The following MECOM variants were observed in gnomAD, a reference collection of about 807,000 sequenced individuals.
MECOM encodes MDS1 and EVI1 complex locus.
In MECOM, 13 loss-of-function variants were observed where a neutral mutation model predicts 116.3. The observed-to-expected ratio is 0.11, with a 90% confidence interval of 0.07 to 0.18. The LOEUF is 0.18. Among genes scored for constraint, MECOM ranks in the 10% least tolerant of loss-of-function variants. The pLI, the probability that MECOM is intolerant of heterozygous loss-of-function variation, is 1.00. For missense variants in MECOM, 1,299 were observed against 1,509.0 expected, an observed-to-expected ratio of 0.86 and a Z score of 2.31; for synonymous variants, 528 against 535.2, an observed-to-expected ratio of 0.99 and a Z score of 0.19.
chr3:169,430,561 T>C (rs1326532763), intron 1 of MECOM, among the ~76,000 whole-genome samples: 1 of 152,194 alleles, frequency 6.6e-6, no homozygotes, highest in African/African-American at 2.4e-5. Flanking sequence ...AGTTACTTTG[T>C]ATAATTGCAC....
rs1183519194 is a variant in MECOM at position 169,084,139 on chromosome 3, CA to C, written c.*769del. The C allele has an allele frequency of 2.2e-5, 5 of 231,354 alleles. No homozygotes were observed. The highest frequency in any genetic ancestry group is 1.1e-4 in the African/African-American group (5 of 45,150). The allele number at this position is 231,354 out of a possible 1,614,324, so 14.3% of individuals were successfully genotyped here. On this transcript the variant is annotated 3_prime_UTR_variant, in exon 17 of 17. Transcript: ENST00000651503. ...AAATACATGATACACGCAACACACA[CA>C]AAAAAATAAACATTAAAAACAGTGA...
intron 2 of MECOM, among the ~76,000 whole-genome samples, chr3:169,240,818 G>A (rs1754701469): frequency 6.6e-6 from 1 of 152,102 alleles, no homozygotes. Flanking sequence ...CAGATTTAAG[G>A]GGAACAGATG....
chr3:169,146,836 A>C, intron 2 of MECOM: 1 of 1,079,592 alleles, frequency 9.3e-7, no homozygotes. Context: ...ATCCTTTCAA[A>C]CGATCCCGAG....
chr3:169,609,832 C>T (rs1769035524), intron 1 of MECOM, among the ~76,000 whole-genome samples: 1 of 152,160 alleles, frequency 6.6e-6, no homozygotes, highest in Admixed American at 6.5e-5. Context: ...CCTATGAAGA[C>T]CTGTCTACTC....
At chr3:169,590,212 G>A (rs1189598774) in intron 1 of MECOM, among the ~76,000 whole-genome samples, 1 of 152,148 alleles carries the variant, frequency 6.6e-6, no homozygotes, top group Non-Finnish European at 1.5e-5. Flanking sequence ...TACATCTCTG[G>A]GGGAAAATAT....
intron 1 of MECOM, among the ~76,000 whole-genome samples, chr3:169,637,443 A>G (rs563496720): frequency 7.2e-5 from 11 of 152,346 alleles, no homozygotes; most frequent in African/African-American, 2.4e-4. Context: ...AGCAGAATCT[A>G]CTTTTATTCT....
At chr3:169,106,765 G>A (rs1725576060) in intron 10 of MECOM, among the ~76,000 whole-genome samples, 1 of 152,024 alleles carries the variant, frequency 6.6e-6, no homozygotes, top group Non-Finnish European at 1.5e-5. Context: ...GAAAAGATGA[G>A]GACCGTGAGG....
At chr3:169,176,801 G>A (rs1372704450) in intron 2 of MECOM, among the ~76,000 whole-genome samples, 1 of 152,064 alleles carries the variant, frequency 6.6e-6, no homozygotes, top group African/African-American at 2.4e-5. Context: ...TTAAAAAGTT[G>A]TCAAAGAATA....
At chr3:169,530,607 T>C (rs1758500564) in intron 1 of MECOM, among the ~76,000 whole-genome samples, 1 of 152,018 alleles carries the variant, frequency 6.6e-6, no homozygotes, top group Non-Finnish European at 1.5e-5. Flanking sequence ...ACCACTTGGG[T>C]GTCTGCCGCA....
At chr3:169,314,972 C>G (rs1385186155) in intron 2 of MECOM, among the ~76,000 whole-genome samples, 1 of 152,196 alleles carries the variant, frequency 6.6e-6, no homozygotes, top group African/African-American at 2.4e-5. Context: ...AAACACTGTG[C>G]AGGGCCCTGT....
intron 1 of MECOM, among the ~76,000 whole-genome samples, chr3:169,579,542 T>C (rs1369998327): frequency 6.6e-6 from 1 of 152,138 alleles, no homozygotes; most frequent in Non-Finnish European, 1.5e-5. Flanking sequence ...AGGGCATCAA[T>C]CACAGATTCA....
intron 1 of MECOM, among the ~76,000 whole-genome samples, chr3:169,451,532 G>A (rs751161185): frequency 5.3e-5 from 8 of 152,042 alleles, no homozygotes; most frequent in Non-Finnish European, 8.8e-5. Flanking sequence ...ATATCTCCAG[G>A]TACTCCACCA....
chr3:169,558,274 A>C (rs1316668030), intron 1 of MECOM, among the ~76,000 whole-genome samples: 1 of 152,210 alleles, frequency 6.6e-6, no homozygotes, highest in African/African-American at 2.4e-5. Context: ...GTCGAGAAAA[A>C]TATGAAAAAT....
chr3:169,127,030 T>C (rs1332626254), intron 5 of MECOM, among the ~76,000 whole-genome samples: 2 of 152,092 alleles, frequency 1.3e-5, no homozygotes, highest in Admixed American at 1.3e-4. Context: ...GTGAATACAA[T>C]TATTAAAATT....
chr3:169,362,699 T>C (rs916589), intron 2 of MECOM, among the ~76,000 whole-genome samples: 6,307 of 151,922 alleles, frequency 0.042, 449 homozygotes, highest in African/African-American at 0.14. Flanking sequence ...GCATGGACAG[T>C]CTCACAAAGA....
At chr3:169,413,773 G>A (rs56235255) in intron 1 of MECOM, among the ~76,000 whole-genome samples, 27,282 of 152,112 alleles carry the variant, frequency 0.18, 3,038 homozygotes, top group Non-Finnish European at 0.25. Context: ...GCCACCAGGA[G>A]GTTTCGATTG....
At chr3:169,588,855 GT>G (rs199752062) in intron 1 of MECOM, among the ~76,000 whole-genome samples, 4 of 151,156 alleles carry the variant, frequency 2.6e-5, no homozygotes, top group Admixed American at 6.6e-5. Flanking sequence ...TATGAATTGG[GT>G]TTTTTTTTAA....
intron 2 of MECOM, among the ~76,000 whole-genome samples, chr3:169,378,495 AAGAAAGAAAGAAAGAAAGAAAAGAAAG>A (rs1731669366): frequency 2.9e-5 from 1 of 34,182 alleles, no homozygotes; most frequent in African/African-American, 2.7e-4. Context: ...GAGAGAAAGA[AAGAAAGAAAGAAAGAAAGAAAAGAAAG>A]AAAGAAAGAA....
At chr3:169,269,691 C>T (rs905086816) in intron 2 of MECOM, among the ~76,000 whole-genome samples, 1 of 152,190 alleles carries the variant, frequency 6.6e-6, no homozygotes, top group South Asian at 2.1e-4. Flanking sequence ...CTAAACCTCA[C>T]TTAATGCTAG....
Sources: allele counts gnomAD v4.1 joint callset (sites outside exome capture counted in the v4.1 genomes callset), GRCh38; gene constraint gnomAD v4.1.1; transcripts MANE v1.5; gene names NCBI Gene and HGNC (gene_info 2026-07-23, HGNC 2026-07-21).